The following FANCC variants were observed in gnomAD, a reference collection of about 807,000 sequenced individuals.
FANCC encodes FA complementation group C.
FANCC carries 55 observed loss-of-function variants against 71.3 expected under a neutral mutation model. The observed-to-expected ratio is 0.77, with a 90% confidence interval of 0.62 to 0.97. FANCC has a LOEUF of 0.97. Ranked by LOEUF, FANCC falls within the 50% of genes least tolerant of loss-of-function variation. The pLI, the probability that FANCC is intolerant of heterozygous loss-of-function variation, is 0.00. For synonymous variants in FANCC, 275 were observed against 244.9 expected, an observed-to-expected ratio of 1.12 and a Z score of -1.15; for missense variants, 678 against 670.9, an observed-to-expected ratio of 1.01 and a Z score of -0.12.
chr9:95,168,666 G>C lies in FANCC; in HGVS notation c.521+2413C>G, dbSNP rs148491615. The stretch of plus-strand genomic sequence containing the variant: ...CTGCCTCAGCCTCCCGAGTAGCTGG[G>C]ACTACAGGCATAAGCCACCACGCCC... On this transcript the variant is annotated intron_variant, in intron 6 of 14. Transcript: ENST00000289081. 2.5e-3 allele frequency among the ~76,000 whole-genome samples: 378 copies of C among 152,320 alleles called. 2 individuals carry two copies. The highest frequency in any genetic ancestry group is 8.6e-3 in the African/African-American group (358 of 41,578).
At chr9:95,155,256 G>A (rs183342290) in intron 6 of FANCC, among the ~76,000 whole-genome samples, 20 of 7,640 alleles carry the variant, frequency 2.6e-3, no homozygotes, top group Non-Finnish European at 3.9e-3. Flanking sequence ...GGAGGGGAGG[G>A]GAGGGGAGGG....
chr9:95,305,119 C>CA (rs564438979), intron 1 of FANCC, among the ~76,000 whole-genome samples: 4 of 151,036 alleles, frequency 2.6e-5, no homozygotes, highest in Non-Finnish European at 5.9e-5. Context: ...AAAAGTCCAA[C>CA]AAAAAAAAAT....
chr9:95,291,038 TA>T (rs200490546), intron 1 of FANCC, among the ~76,000 whole-genome samples: 5 of 152,064 alleles, frequency 3.3e-5, no homozygotes, highest in African/African-American at 7.2e-5. Context: ...TCTTTCATGA[TA>T]AAAAAAACTG....
In FANCC at chr9:95,099,578, C is replaced by T. The variant is rs549045161; in HGVS notation, c.*2129G>A. ...CTGTCTTGGAGGTGGAGGGAATGGC[C>T]GAGGGGTGGCTCCCCCAGCTCCCCA... On this transcript the variant is annotated 3_prime_UTR_variant, in exon 15 of 15. Transcript: ENST00000289081. The T allele has an allele frequency of 4.3e-6, 1 of 230,696 alleles. No individual in the cohort carries two copies. Among genetic ancestry groups the T allele is most frequent in the South Asian group, 1.8e-4 (1 of 5,460 alleles). The allele number at this position is 230,696 out of a possible 1,614,324, so 14.3% of individuals were successfully genotyped here.
In FANCC at chr9:95,292,427, C is replaced by T. The variant is rs184316667; in HGVS notation, c.-79+25099G>A. On this transcript the variant is annotated intron_variant, in intron 1 of 14. Transcript: ENST00000289081. ...TCCCGGCGGCCACGAGAGGAGCCTC[C>T]GCCGCCGCCTCGGGCCCGTGGGTGC... is the stretch of plus-strand genomic sequence containing the variant. 2,438 of 1,110,200 alleles carry T rather than the reference C, an allele frequency of 2.2e-3. 36 individuals are homozygous for T. The African/African-American group carries it at 0.036, about 16-fold the overall frequency. 68.8% of individuals were successfully genotyped at this position (1,110,200 alleles called of 1,614,324 possible).
At chr9:95,191,781 G>A (rs957369687) in intron 4 of FANCC, among the ~76,000 whole-genome samples, 12 of 151,318 alleles carry the variant, frequency 7.9e-5, no homozygotes, top group Admixed American at 2.0e-4. Flanking sequence ...TCCTCCATAC[G>A]CAGCCCATCT....
chr9:95,207,417 T>C (rs1391050335), intron 4 of FANCC, among the ~76,000 whole-genome samples: 1 of 152,184 alleles, frequency 6.6e-6, no homozygotes, highest in East Asian at 1.9e-4. Flanking sequence ...CCTATCCCTC[T>C]GCCCAGTGAT....
intron 4 of FANCC, among the ~76,000 whole-genome samples, chr9:95,177,476 C>T (rs1826084200): frequency 6.6e-6 from 1 of 152,184 alleles, no homozygotes; most frequent in Admixed American, 6.5e-5. Flanking sequence ...TTCTTAAAAA[C>T]TTGTTTCTTT....
At chr9:95,293,478 A>G (rs894901325) in intron 1 of FANCC, 11 of 1,575,018 alleles carry the variant, frequency 7.0e-6, no homozygotes, top group Admixed American at 3.6e-5. Flanking sequence ...TGTTGAGCCA[A>G]TAAGTACTGG....
chr9:95,107,029 A>G (rs569680216), intron 14 of FANCC, 37 bp downstream of exon 14: 2 of 1,608,480 alleles, frequency 1.2e-6, no homozygotes, highest in South Asian at 2.2e-5. Context: ...CTGGAGCAGA[A>G]ATGAGTACTA....
intron 1 of FANCC, among the ~76,000 whole-genome samples, chr9:95,297,177 A>G (rs1278871548): frequency 6.6e-6 from 1 of 152,198 alleles, no homozygotes; most frequent in Non-Finnish European, 1.5e-5. Context: ...GACTTTCAGC[A>G]AAGTGTAGAC....
At chr9:95,145,680 G>A (rs867559871) in intron 7 of FANCC, among the ~76,000 whole-genome samples, 2 of 152,118 alleles carry the variant, frequency 1.3e-5, no homozygotes, top group Non-Finnish European at 2.9e-5. Flanking sequence ...ACTGCCGCAC[G>A]CACATGCAAG....
intron 8 of FANCC, among the ~76,000 whole-genome samples, chr9:95,130,927 T>C (rs1826806986): frequency 6.6e-6 from 1 of 152,268 alleles, no homozygotes; most frequent in Non-Finnish European, 1.5e-5. Flanking sequence ...TTTTTTATTA[T>C]GCCATTTGCT....
At chr9:95,202,667 T>C (rs894516584) in intron 4 of FANCC, among the ~76,000 whole-genome samples, 2 of 152,200 alleles carry the variant, frequency 1.3e-5, no homozygotes, top group Non-Finnish European at 2.9e-5. Flanking sequence ...TTCTAAAGGA[T>C]TGGTTACAAA....
Position 95,293,277 on chromosome 9 carries a change from T to C in FANCC, c.-79+24249A>G, listed in dbSNP as rs1164692768. On this transcript the variant is annotated intron_variant, in intron 1 of 14. Transcript: ENST00000289081. ...CTACCCGTGATGCAGTTTTCTCTCA[T>C]GCCTGTCTTTGTGCCTACAGCCGAC... 21 of 1,613,556 alleles carry C rather than the reference T, an allele frequency of 1.3e-5. No homozygotes were observed. The Admixed American group carries it at 1.3e-4, about 10-fold the overall frequency.
intron 7 of FANCC, among the ~76,000 whole-genome samples, chr9:95,141,924 C>T (rs897854564): frequency 7.0e-6 from 1 of 143,398 alleles, no homozygotes; most frequent in Non-Finnish European, 1.5e-5. Context: ...TACACATTGT[C>T]AAAAATAATA....
chr9:95,274,140 C>T (rs1832902468), intron 1 of FANCC, among the ~76,000 whole-genome samples: 1 of 152,010 alleles, frequency 6.6e-6, no homozygotes, highest in South Asian at 2.1e-4. Context: ...CCGTCATCTA[C>T]GTTAGGTATT....
Position 95,251,846 on chromosome 9 carries a change from G to A in FANCC, c.-78-2477C>T, listed in dbSNP as rs375426563. ...GTACTATTATCATCTCCATTTTACA[G>A]AGGCACCAAGAGATTACATAATTGC... On this transcript the variant is annotated intron_variant, in intron 1 of 14. Transcript: ENST00000289081. 4.6e-4 allele frequency among the ~76,000 whole-genome samples: 70 copies of A among 152,208 alleles called. No individual in the cohort carries two copies. The East Asian group carries it at 0.01, about 22-fold the overall frequency.
At chr9:95,244,528 A>C (rs575383576) in intron 3 of FANCC, among the ~76,000 whole-genome samples, 1 of 152,014 alleles carries the variant, frequency 6.6e-6, no homozygotes, top group Non-Finnish European at 1.5e-5. Context: ...GAATACAAAA[A>C]ATTAGCTGGA....
Sources: allele counts gnomAD v4.1 joint callset (sites outside exome capture counted in the v4.1 genomes callset), GRCh38; gene constraint gnomAD v4.1.1; transcripts MANE v1.5; gene names NCBI Gene and HGNC (gene_info 2026-07-23, HGNC 2026-07-21).